The following MYO1H variants were observed in gnomAD, a reference collection of about 807,000 sequenced individuals.
MYO1H encodes unconventional myosin-Ih.
Under a neutral mutation model 149.3 loss-of-function variants are expected in MYO1H, and 118 were observed. The observed-to-expected ratio is 0.79, with a 90% CI of 0.68 to 0.92. The LOEUF is 0.92. MYO1H is among the 40% of genes least tolerant of loss of function. The probability of loss-of-function intolerance (pLI) is 0.00; values close to 1 mark genes in which losing one functional copy is unlikely to be tolerated. For synonymous variants in MYO1H, 447 were observed against 465.2 expected (o/e 0.96, Z 0.50); for missense variants, 1,212 against 1,280.7 (o/e 0.95, Z 0.82).
At chr12:109,341,676 G>A in the MYO1H span, among the ~76,000 whole-genome samples, 7 of 152,302 alleles carry the variant, frequency 4.6e-5, no homozygotes, top group South Asian at 1.2e-3. Context: ...TGATGGGTTA[G>A]GGGTGCATAT....
intron 1 of MYO1H, among the ~76,000 whole-genome samples, chr12:109,377,986 A>G (rs762435312): frequency 3.3e-5 from 5 of 152,360 alleles, no homozygotes; most frequent in Non-Finnish European, 7.3e-5. Flanking sequence ...TTTCTAAGTG[A>G]TACAGAATCT....
chr12:109,315,373 A>G, the MYO1H span, among the ~76,000 whole-genome samples: 3 of 152,084 alleles, frequency 2.0e-5, no homozygotes, highest in African/African-American at 7.2e-5. Flanking sequence ...TCCATATCTA[A>G]TCTGGGTCTA....
chr12:109,351,155 G>C (rs1166994789), intron 1 of MYO1H, among the ~76,000 whole-genome samples: 4 of 152,184 alleles, frequency 2.6e-5, no homozygotes, highest in African/African-American at 9.6e-5. Flanking sequence ...AACTGGGTTA[G>C]ATAAATTGCT....
intron 15 of MYO1H, among the ~76,000 whole-genome samples, chr12:109,419,854 C>G (rs1871094115): frequency 6.9e-6 from 1 of 145,724 alleles, no homozygotes; most frequent in Non-Finnish European, 1.5e-5. Context: ...AGACACCATG[C>G]TTGGCTGCTC....
intron 6 of MYO1H, among the ~76,000 whole-genome samples, chr12:109,403,597 CTAAG>C (rs1364960132): frequency 2.0e-5 from 3 of 152,188 alleles, no homozygotes; most frequent in Non-Finnish European, 4.4e-5. Context: ...TTGGCAATCT[CTAAG>C]TGAGTCAGGA....
the MYO1H span, among the ~76,000 whole-genome samples, chr12:109,328,289 G>A: frequency 6.6e-6 from 1 of 151,986 alleles, no homozygotes; most frequent in Non-Finnish European, 1.5e-5. Context: ...ACGATGTTGT[G>A]CAAGCAACAT....
the MYO1H span, among the ~76,000 whole-genome samples, chr12:109,341,966 T>C: frequency 6.6e-6 from 1 of 152,166 alleles, no homozygotes; most frequent in Non-Finnish European, 1.5e-5. Context: ...TGGTCATTGA[T>C]AATCTGTATG....
exon 24 of MYO1H, chr12:109,439,641 G>C (rs780977993): frequency 1.2e-6 from 2 of 1,611,220 alleles, no homozygotes; most frequent in African/African-American, 2.7e-5. Context: ...GTTCATTAAA[G>C]GATTCATCAG....
intron 1 of MYO1H, among the ~76,000 whole-genome samples, chr12:109,366,053 G>A (rs1868859249): frequency 6.6e-6 from 1 of 152,074 alleles, no homozygotes; most frequent in Non-Finnish European, 1.5e-5. Flanking sequence ...GGTGGAGCAG[G>A]AGTTTCATCC....
intron 2 of MYO1H, among the ~76,000 whole-genome samples, chr12:109,389,324 G>A (rs896147369): frequency 4.6e-5 from 7 of 152,058 alleles, no homozygotes; most frequent in Non-Finnish European, 1.5e-5. Context: ...GCCCACTTTC[G>A]GTCATGTGCC....
intron 10 of MYO1H, among the ~76,000 whole-genome samples, chr12:109,408,961 G>C (rs1275612754): frequency 6.6e-6 from 1 of 151,788 alleles, no homozygotes. Flanking sequence ...GCTAATTTTT[G>C]TAATTTTTTA....
intron 3 of MYO1H, among the ~76,000 whole-genome samples, chr12:109,395,305 G>T (rs577538846): frequency 2.0e-5 from 3 of 152,132 alleles, no homozygotes; most frequent in East Asian, 3.9e-4. Flanking sequence ...TTATTGAATT[G>T]AATTATTTAG....
the MYO1H span, among the ~76,000 whole-genome samples, chr12:109,327,762 G>GA: frequency 7.6e-6 from 1 of 131,276 alleles, no homozygotes; most frequent in African/African-American, 2.9e-5. Flanking sequence ...AAAAAAGAAA[G>GA]AAAAAAAAGA....
the MYO1H span, among the ~76,000 whole-genome samples, chr12:109,323,347 C>T: frequency 1.3e-5 from 2 of 152,204 alleles, no homozygotes; most frequent in South Asian, 2.1e-4. Flanking sequence ...TTGGTTTGTC[C>T]GATGTTGAAA....
At chr12:109,344,994 C>G (rs1260974899), upstream of MYO1H, among the ~76,000 whole-genome samples, 1 of 152,128 alleles carries the variant, frequency 6.6e-6, no homozygotes, top group Non-Finnish European at 1.5e-5. Context: ...AACTATAAAA[C>G]TATTAGAAGA....
At chr12:109,353,253 G>T (rs1868501461) in intron 1 of MYO1H, among the ~76,000 whole-genome samples, 2 of 151,954 alleles carry the variant, frequency 1.3e-5, no homozygotes, top group African/African-American at 4.8e-5. Context: ...AATTAGCCGG[G>T]TATGGTGGTA....
chr12:109,438,656 T>C (rs770868755), intron 23 of MYO1H, 36 bp downstream of exon 23: 2 of 1,468,546 alleles, frequency 1.4e-6, no homozygotes, highest in Non-Finnish European at 1.9e-6. Flanking sequence ...GACAGGTCAC[T>C]AAATGCTGGT....
intron 1 of MYO1H, among the ~76,000 whole-genome samples, chr12:109,387,299 T>G (rs1300316809): frequency 2.0e-5 from 3 of 152,196 alleles, no homozygotes; most frequent in African/African-American, 4.8e-5. Flanking sequence ...TCCATTTCTG[T>G]GCTGAATTGT....
rs1357518157 is a variant in MYO1H at position 109,440,735 on chromosome 12, T to C, written c.2455-9T>C. The C allele has an allele frequency of 1.3e-6, 2 of 1,556,068 alleles. No individual in the cohort carries two copies. The highest frequency in any genetic ancestry group is 3.9e-5 in the Admixed American group (2 of 51,646). ...GAGGCAAGTGGAAAGAAGTGTGTTCTCCACACAGGCATCAGATCTGCTCAG... is the reference window on the plus strand; with the variant it reads ...GAGGCAAGTGGAAAGAAGTGTGTTCCCCACACAGGCATCAGATCTGCTCAG... On this transcript the variant is annotated splice_polypyrimidine_tract_variant and intron_variant, in intron 24 of 31. Coordinates refer to ENST00000310903, the Ensembl canonical transcript of MYO1H.
Sources: gnomAD v4.1 joint callset for allele counts (sites outside exome capture counted in the v4.1 genomes callset) on GRCh38, gnomAD v4.1.1 for gene constraint, MANE v1.5 for transcripts, NCBI Gene and HGNC (gene_info 2026-07-23, HGNC 2026-07-21) for gene names.